Variants in ABCC11 observed in about 807,000 individuals in gnomAD.
The protein encoded by ABCC11 is ATP-binding cassette sub-family C member 11.
A neutral mutation model predicts 149.3 loss-of-function variants in ABCC11; 135 were observed. That is an observed-to-expected ratio of 0.90 (90% CI 0.79 to 1.04). ABCC11 has a LOEUF of 1.04. ABCC11 is among the 50% of genes least tolerant of loss of function. The pLI is 0.00. For missense variants in ABCC11, 1,680 were observed against 1,722.1 expected, an observed-to-expected ratio of 0.98 and a Z score of 0.43; for synonymous variants, 665 against 671.4, an observed-to-expected ratio of 0.99 and a Z score of 0.15.
At chr16:48,179,905 T>C (rs1002460193) in intron 23 of ABCC11, among the ~76,000 whole-genome samples, 1 of 152,196 alleles carries the variant, frequency 6.6e-6, no homozygotes, top group African/African-American at 2.4e-5. Context: ...CACAAGCCAT[T>C]TGGCTATGGC....
chr16:48,208,465 C>T lies in ABCC11; in HGVS notation c.1640G>A (p.Gly547Glu), dbSNP rs771938987. 6.2e-7 allele frequency: 1 copy of T among 1,614,154 alleles called. No homozygotes were observed. Among genetic ancestry groups the T allele is most frequent in the South Asian group, 1.1e-5 (1 of 91,078 alleles). ...TGACAACAGGCTGCTCTTACCACTC[C>T]CCGTGTTGCCGCAGACCCCTAACAT... ...GMMLGVCGNTGSGKSSLLSAI... is the reference protein window; with the variant it reads ...GMMLGVCGNTESGKSSLLSAI... The change falls in exon 12 of 30, where the codon GGG becomes GAG. Residue 547 changes from glycine (G) to glutamate (E), a missense_variant. Gly to Glu is a moderately conservative substitution (Grantham distance 98). Transcript: ENST00000356608.
At chr16:48,197,870 G>T in intron 17 of ABCC11, 101 bp downstream of exon 17, 1 of 1,269,866 alleles carries the variant, frequency 7.9e-7, no homozygotes, top group Non-Finnish European at 1.1e-6. Flanking sequence ...TCAAGACACT[G>T]AGGGACATGG....
intron 1 of ABCC11, among the ~76,000 whole-genome samples, chr16:48,243,797 G>A (rs2150947675): frequency 6.6e-6 from 1 of 152,290 alleles, no homozygotes; most frequent in Non-Finnish European, 1.5e-5. Flanking sequence ...TTAAAGACCA[G>A]CCTGGCCAAC....
intron 17 of ABCC11, among the ~76,000 whole-genome samples, chr16:48,197,011 G>A (rs1248390732): frequency 6.8e-6 from 1 of 147,208 alleles, no homozygotes; most frequent in African/African-American, 2.5e-5. Context: ...GAAATTTTTT[G>A]AGTAGGTTTT....
intron 26 of ABCC11, 150 bp from the exon 27 acceptor site, chr16:48,171,117 G>A: frequency 1.4e-6 from 1 of 740,022 alleles, no homozygotes; most frequent in South Asian, 1.7e-5. Flanking sequence ...GATTTTTTGT[G>A]CCTCCCAGCA....
chr16:48,205,454 G>A lies in ABCC11; in HGVS notation c.1764C>T (p.Ile588=), dbSNP rs1968352909. Residue 588 remains isoleucine, a synonymous_variant, in exon 13 of 30, where the codon ATC becomes ATT. Coordinates refer to ENST00000356608, the MANE Select transcript of ABCC11 (RefSeq NM_001370497.1). ...CGCCTCCCATGAGGATGTTCTCCCT[G>A]ATGTTCCCGCTGACGATCCAGGCCT... ...PQQAWIVSGN[I]RENILMGGAY... 2 of 1,614,170 alleles carry A rather than the reference G, an allele frequency of 1.2e-6. No individual in the cohort carries two copies. The highest frequency in any genetic ancestry group is 4.5e-5 in the East Asian group (2 of 44,874).
chr16:48,174,832 G>T (rs530072143), intron 26 of ABCC11, among the ~76,000 whole-genome samples: 2 of 152,184 alleles, frequency 1.3e-5, no homozygotes, highest in Non-Finnish European at 2.9e-5. Context: ...TTGTTTGTTT[G>T]TTTTTTAATA....
In ABCC11 at chr16:48,165,872, C is replaced by A. The variant is rs1434963276; in HGVS notation, c.*1402G>T. 3 of 152,238 alleles carry A rather than the reference C, an allele frequency of 2.0e-5. No homozygotes were observed. The highest frequency in any genetic ancestry group is 4.4e-5 in the Non-Finnish European group (3 of 68,048). The allele number at this position is 152,238 out of a possible 1,614,324, so 9.4% of individuals were successfully genotyped here. A position where few individuals can be genotyped will look rare whatever the true frequency, so the allele number is the denominator to read the frequency against. On this transcript the variant is annotated 3_prime_UTR_variant, in exon 30 of 30. Coordinates refer to ENST00000356608, the MANE Select transcript of ABCC11 (RefSeq NM_001370497.1). ...CTTTGAAACATATTTCCCCCAACAA[C>A]AAGGTCTCCCCAGAAGTAAGTTGAA...
At chr16:48,207,680 GAAGGGAAGGGAAGGA>G (rs1048472484) in intron 12 of ABCC11, among the ~76,000 whole-genome samples, 4 of 151,772 alleles carry the variant, frequency 2.6e-5, no homozygotes, top group Non-Finnish European at 5.9e-5. Flanking sequence ...GGAAGGAAGG[GAAGGGAAGGGAAGGA>G]AAGGGAAGGG....
At chr16:48,168,024 A>T (rs1302203664) in intron 28 of ABCC11, among the ~76,000 whole-genome samples, 1 of 152,238 alleles carries the variant, frequency 6.6e-6, no homozygotes, top group Non-Finnish European at 1.5e-5. Context: ...CAGGAGGCAC[A>T]TGAGATGATT....
intron 6 of ABCC11, among the ~76,000 whole-genome samples, chr16:48,221,432 T>C (rs1224818961): frequency 2.0e-5 from 3 of 151,924 alleles, no homozygotes; most frequent in Non-Finnish European, 4.4e-5. Context: ...TCAATGGTTG[T>C]TTGTGTTATG....
At chr16:48,209,821 C>G (rs1341658873) in intron 11 of ABCC11, 1 of 151,922 alleles carries the variant, frequency 6.6e-6, no homozygotes, top group Admixed American at 6.6e-5. Context: ...CCACTCGTAC[C>G]CCAAAAGCTA....
chr16:48,218,459 A>G (rs1388053460), intron 6 of ABCC11, among the ~76,000 whole-genome samples: 1 of 152,200 alleles, frequency 6.6e-6, no homozygotes, highest in South Asian at 2.1e-4. Context: ...TGGAAATAAT[A>G]ATACAACCTA....
intron 6 of ABCC11, among the ~76,000 whole-genome samples, chr16:48,219,363 A>G (rs59758263): frequency 0.21 from 31,183 of 151,924 alleles, 3,828 homozygotes; most frequent in African/African-American, 0.34. Context: ...TAGAGATGGG[A>G]TTTCGCTCTG....
chr16:48,203,390 A>T (rs1398948235), intron 13 of ABCC11, 90 bp from the exon 14 acceptor site: 2 of 1,231,638 alleles, frequency 1.6e-6, no homozygotes, highest in South Asian at 2.7e-5. Flanking sequence ...CTTGATTTTC[A>T]TGCTAAGAAA....
chr16:48,193,528 C>A (rs114653464), intron 19 of ABCC11, among the ~76,000 whole-genome samples: 1 of 152,148 alleles, frequency 6.6e-6, no homozygotes, highest in Non-Finnish European at 1.5e-5. Context: ...TCCCAGCTCA[C>A]AAGACCAGAA....
intron 26 of ABCC11, among the ~76,000 whole-genome samples, chr16:48,172,656 A>G (rs534926177): frequency 6.6e-6 from 1 of 152,304 alleles, no homozygotes; most frequent in South Asian, 2.1e-4. Context: ...ACAATTTTAC[A>G]TCCCCACTGG....
intron 24 of ABCC11, among the ~76,000 whole-genome samples, chr16:48,178,270 G>C (rs535508048): frequency 6.6e-6 from 1 of 152,282 alleles, no homozygotes; most frequent in South Asian, 2.1e-4. Context: ...TAACCACCAT[G>C]ACATAAATGG....
At chr16:48,220,081 C>A (rs569449641) in intron 6 of ABCC11, among the ~76,000 whole-genome samples, 2 of 152,308 alleles carry the variant, frequency 1.3e-5, no homozygotes, top group African/African-American at 4.8e-5. Flanking sequence ...CTCAAATAGA[C>A]CATTTTGTTT....
Sources: gnomAD v4.1 joint callset for allele counts (sites outside exome capture counted in the v4.1 genomes callset) on GRCh38, gnomAD v4.1.1 for gene constraint, MANE v1.5 for transcripts, NCBI Gene and HGNC (gene_info 2026-07-23, HGNC 2026-07-21) for gene names.